The following UBASH3A variants were observed in gnomAD, a reference collection of about 807,000 sequenced individuals.
UBASH3A encodes the protein ubiquitin-associated and SH3 domain-containing protein A.
A neutral mutation model predicts 73.5 loss-of-function variants in UBASH3A; 63 were observed. The ratio of observed to expected loss-of-function variants is 0.86; its 90% CI spans 0.70 to 1.06. The LOEUF (loss-of-function observed/expected upper bound fraction) is 1.06, where lower values mean the gene tolerates loss of function less well. Ranked by LOEUF, UBASH3A falls within the 50% of genes least tolerant of loss-of-function variation. The pLI is 0.00. For missense variants in UBASH3A, 860 were observed against 859.0 expected, an observed-to-expected ratio of 1.00 and a Z score of -0.02; for synonymous variants, 363 against 351.1, an observed-to-expected ratio of 1.03 and a Z score of -0.38.
intron 3 of UBASH3A, chr21:42,410,389 T>C (rs1397012517): frequency 1.1e-5 from 6 of 554,632 alleles, no homozygotes; most frequent in East Asian, 2.9e-5. Context: ...TTTCAAGGAA[T>C]TCCATCAGGG....
chr21:42,430,871 G>T (rs929824767), intron 8 of UBASH3A, among the ~76,000 whole-genome samples: 1 of 152,174 alleles, frequency 6.6e-6, no homozygotes, highest in African/African-American at 2.4e-5. Context: ...GGCCTGTGTT[G>T]CTGCAGGGTT....
intron 7 of UBASH3A, among the ~76,000 whole-genome samples, chr21:42,422,871 G>A (rs1245909860): frequency 6.6e-6 from 1 of 152,198 alleles, no homozygotes; most frequent in Non-Finnish European, 1.5e-5. Context: ...TTCCCTGGAA[G>A]GGAGAGTGTC....
At chr21:42,426,096 G>A (rs2053429371) in intron 7 of UBASH3A, among the ~76,000 whole-genome samples, 1 of 152,184 alleles carries the variant, frequency 6.6e-6, no homozygotes, top group African/African-American at 2.4e-5. Context: ...ACCCTGGGAA[G>A]AGTTGAGGTT....
intron 2 of UBASH3A, among the ~76,000 whole-genome samples, chr21:42,409,180 A>T (rs1253242470): frequency 2.0e-5 from 3 of 152,168 alleles, no homozygotes; most frequent in Non-Finnish European, 2.9e-5. Flanking sequence ...CTTTGGAATC[A>T]GACTAAGGTG....
chr21:42,438,225 GCCTCC>G, intron 11 of UBASH3A, among the ~76,000 whole-genome samples: 1 of 152,292 alleles, frequency 6.6e-6, no homozygotes, highest in Non-Finnish European at 1.5e-5. Context: ...AGAGCATGTC[GCCTCC>G]ATGGTGACAA....
rs1427048431 is a variant in UBASH3A at position 42,409,463 on chromosome 21, T to A, written c.209T>A (p.Ile70Asn). Reference sequence around the variant, plus strand: ...AATGACCCTTCCCTAGACGACCCCATCCCCCAGGAGTATGCCCTTTTCCTC... The same window carrying A: ...AATGACCCTTCCCTAGACGACCCCAACCCCCAGGAGTATGCCCTTTTCCTC... ...HCNDPSLDDP[I>N]PQEYALFLCP... Residue 70 changes from isoleucine to asparagine, a missense_variant, in exon 3 of 15, where the codon ATC becomes AAC. By Grantham distance (149) the Ile-to-Asn change is moderately radical (BLOSUM62 -3). Coordinates refer to ENST00000319294, the MANE Select transcript of UBASH3A (RefSeq NM_018961.4). 6.2e-7 allele frequency: 1 copy of A among 1,611,894 alleles called. No homozygotes were observed. Among genetic ancestry groups the A allele is most frequent in the South Asian group, 1.1e-5 (1 of 90,760 alleles).
rs567350916 is a variant in UBASH3A at position 42,416,576 on chromosome 21, C to G, written c.802C>G (p.Leu268Val). 3.7e-6 allele frequency: 6 copies of G among 1,606,792 alleles called. No individual in the cohort carries two copies. In the African/African-American group the frequency reaches 8.0e-5, roughly 22 times the overall value. ...LGHSCQWTAA[L>V]YSRDMRFVHY... ...CCACAGCTGCCAGTGGACCGCAGCA[C>G]TCTACTCCCGAGACATGCGCTTTGT... Residue 268 changes from leucine to valine, a missense_variant, in exon 6 of 15, where the codon CTC (leucine) becomes GTC (valine). Physicochemically the swap from Leu to Val is conservative, Grantham distance 32. Coordinates refer to ENST00000319294, the MANE Select transcript of UBASH3A (RefSeq NM_018961.4).
intron 11 of UBASH3A, among the ~76,000 whole-genome samples, chr21:42,440,747 C>T (rs921043394): frequency 5.3e-5 from 8 of 152,192 alleles, no homozygotes; most frequent in African/African-American, 1.9e-4. Flanking sequence ...AGTTTCCCTT[C>T]TAGTGAAAAC....
intron 11 of UBASH3A, 47 bp downstream of exon 11, chr21:42,437,627 G>GT: frequency 6.5e-7 from 1 of 1,547,406 alleles, no homozygotes; most frequent in East Asian, 2.2e-5. Context: ...TGACCTTGGG[G>GT]CTATTCTCCA....
At chr21:42,432,477 A>G (rs1224746285) in intron 9 of UBASH3A, among the ~76,000 whole-genome samples, 1 of 152,208 alleles carries the variant, frequency 6.6e-6, no homozygotes, top group Non-Finnish European at 1.5e-5. Context: ...GTATTCTTGA[A>G]CATGCCTCTT....
chr21:42,429,302 G>A (rs761165075), intron 8 of UBASH3A, among the ~76,000 whole-genome samples: 19 of 152,234 alleles, frequency 1.2e-4, no homozygotes, highest in Non-Finnish European at 1.9e-4. Flanking sequence ...CGCCCAGCCT[G>A]TTATGGCAGC....
Position 42,437,548 on chromosome 21 carries a change from G to T in UBASH3A, c.1454G>T (p.Arg485Leu). The T allele has an allele frequency of 6.2e-7, 1 of 1,614,198 alleles. No individual in the cohort carries two copies. Among genetic ancestry groups the T allele is most frequent in the Non-Finnish European group, 8.5e-7 (1 of 1,180,026 alleles). ...ISSVFASPAL[R>L]CVQTAKLILE... ...TCTGTGTTTGCCTCCCCAGCCCTCCGCTGTGTGCAGACGGCCAAACTCATC... is the reference window on the plus strand; with the variant it reads ...TCTGTGTTTGCCTCCCCAGCCCTCCTCTGTGTGCAGACGGCCAAACTCATC... The change falls in exon 11 of 15, where the codon CGC becomes CTC. Residue 485 changes from arginine to leucine, a missense_variant. Physicochemically the swap from Arg to Leu is moderately radical, Grantham distance 102 (BLOSUM62 -2). Coordinates refer to ENST00000319294, the MANE Select transcript of UBASH3A (RefSeq NM_018961.4).
At chr21:42,444,244 CTG>C (rs1043818239) in intron 13 of UBASH3A, among the ~76,000 whole-genome samples, 28 of 152,352 alleles carry the variant, frequency 1.8e-4, no homozygotes, top group African/African-American at 6.7e-4. Context: ...ACATCCCAGT[CTG>C]TGGCTGACGG....
At chr21:42,404,099 C>T in intron 1 of UBASH3A, 41 bp downstream of exon 1, 1 of 1,253,840 alleles carries the variant, frequency 8.0e-7, no homozygotes, top group South Asian at 1.9e-5. Flanking sequence ...GCCAGTAAGG[C>T]TGGTGCCAGA....
chr21:42,427,603 C>G (rs1403987884), intron 8 of UBASH3A, among the ~76,000 whole-genome samples: 3 of 152,190 alleles, frequency 2.0e-5, no homozygotes, highest in Non-Finnish European at 2.9e-5. Context: ...AACTGGGGCT[C>G]ATGGAGGCTA....
Position 42,447,051 on chromosome 21 carries a change from T to C in UBASH3A, c.1849-6T>C. The C allele has an allele frequency of 6.2e-7, 1 of 1,611,438 alleles. No homozygotes were observed. The highest frequency in any genetic ancestry group is 2.2e-5 in the East Asian group (1 of 44,834). Reference sequence around the variant, plus strand: ...TATTAACAAGTGATTTAAAACTCTGTTCCAGATCCCTTCCCTGGGCATGTG... The same window carrying C: ...TATTAACAAGTGATTTAAAACTCTGCTCCAGATCCCTTCCCTGGGCATGTG... On this transcript the variant is annotated splice_region_variant and splice_polypyrimidine_tract_variant and intron_variant, in intron 14 of 14. Transcript: ENST00000319294.
intron 3 of UBASH3A, chr21:42,410,533 C>T: frequency 2.8e-6 from 1 of 352,258 alleles, no homozygotes; most frequent in Non-Finnish European, 5.1e-6. Context: ...CCAACCACCA[C>T]CCCGGATTGC....
At chr21:42,416,672 C>A (rs113577025) in intron 6 of UBASH3A, 61 bp downstream of exon 6, 43,603 of 1,392,010 alleles carry the variant, frequency 0.031, 810 homozygotes, top group Middle Eastern at 0.046. Flanking sequence ...CGGTGGCTCA[C>A]GCCTGTAATC....
chr21:42,436,329 G>T lies in UBASH3A; in HGVS notation c.1394-1159G>T, dbSNP rs531376526. On this transcript the variant is annotated intron_variant, in intron 10 of 14. Coordinates refer to ENST00000319294, the MANE Select transcript of UBASH3A (RefSeq NM_018961.4). ...GTTATAGCACTTGCTGAGTGCAGTG[G>T]TGAGAATACTGCACTCCCCGACAAC... Among the ~76,000 whole-genome samples, 3 of 152,310 alleles carry T rather than the reference G, an allele frequency of 2.0e-5. No individual in the cohort carries two copies. In the South Asian group the frequency reaches 6.2e-4, roughly 32 times the overall value.
Sources: allele counts gnomAD v4.1 joint callset (sites outside exome capture counted in the v4.1 genomes callset), GRCh38; gene constraint gnomAD v4.1.1; transcripts MANE v1.5; gene names NCBI Gene and HGNC (gene_info 2026-07-23, HGNC 2026-07-21).